The following RNPEP variants were observed in gnomAD, a reference collection of about 807,000 sequenced individuals.
RNPEP encodes the protein aminopeptidase B.
Under a neutral mutation model 70.1 loss-of-function variants are expected in RNPEP, and 57 were observed. That is an observed-to-expected ratio of 0.81 (90% CI 0.66 to 1.01). The LOEUF (loss-of-function observed/expected upper bound fraction) is 1.01, where lower values mean the gene tolerates loss of function less well. RNPEP is among the 50% of genes least tolerant of loss of function. The pLI is 0.00. For missense variants in RNPEP, 787 were observed against 852.4 expected (o/e 0.92, Z 0.96); for synonymous variants, 335 against 357.4 (o/e 0.94, Z 0.71).
In RNPEP at chr1:202,001,762, T is replaced by C; in HGVS notation, c.1421T>C (p.Ile474Thr). Residue 474 changes from isoleucine to threonine, a missense_variant, in exon 8 of 11, where the codon ATT (isoleucine) becomes ACT (threonine). Ile to Thr is a moderately conservative substitution (Grantham distance 89, BLOSUM62 -1). Transcript: ENST00000295640. ...CTTAAGAAAAAGAGAGTGGATATCATTCCAGGTAAGCAGAGGAACTGGCCC... is the reference window on the plus strand; with the variant it reads ...CTTAAGAAAAAGAGAGTGGATATCACTCCAGGTAAGCAGAGGAACTGGCCC... ...PELKKKRVDI[I>T]PGFEFDRWLN... 6.3e-7 allele frequency: 1 copy of C among 1,577,024 alleles called. No homozygotes were observed. The highest frequency in any genetic ancestry group is 1.7e-5 in the Admixed American group (1 of 59,972).
chr1:202,005,676 T>C lies in RNPEP; in HGVS notation c.1913T>C (p.Val638Ala). 6.2e-7 allele frequency: 1 copy of C among 1,614,218 alleles called. No individual in the cohort carries two copies. Among genetic ancestry groups the C allele is most frequent in the Non-Finnish European group, 8.5e-7 (1 of 1,180,040 alleles). ...STASQLHSNV[V>A]NYVQQIVAPK... ...GCCTCCCAGCTCCACAGCAATGTTG[T>C]CAACTATGTCCAGCAGATCGTGGCA... is the stretch of plus-strand genomic sequence containing the variant. Residue 638 changes from valine to alanine, a missense_variant, in exon 11 of 11, where the codon GTC becomes GCC. Physicochemically the swap from Val to Ala is moderately conservative, Grantham distance 64 (BLOSUM62 0). Coordinates refer to ENST00000295640, the MANE Select transcript of RNPEP (RefSeq NM_020216.4).
intron 10 of RNPEP, among the ~76,000 whole-genome samples, chr1:202,005,323 C>A (rs529788430): frequency 6.6e-6 from 1 of 152,326 alleles, no homozygotes; most frequent in East Asian, 1.9e-4. Context: ...CTGTAGACGT[C>A]CCCATGTTAG....
chr1:201,993,957 C>A (rs559470291), intron 3 of RNPEP, among the ~76,000 whole-genome samples: 44 of 151,760 alleles, frequency 2.9e-4, no homozygotes, highest in African/African-American at 1.0e-3. Context: ...TCCAGCCCCC[C>A]ACCCTTGCCA....
intron 1 of RNPEP, among the ~76,000 whole-genome samples, chr1:201,984,493 G>T (rs1259873616): frequency 2.0e-5 from 3 of 152,196 alleles, no homozygotes; most frequent in Admixed American, 6.6e-5. Context: ...AGGCAGGTGT[G>T]CCCTAAGCGG....
At chr1:202,002,995 T>G (rs1302800384) in intron 8 of RNPEP, 4 of 475,080 alleles carry the variant, frequency 8.4e-6, no homozygotes, top group Non-Finnish European at 1.5e-5. Flanking sequence ...AACTTGGCTC[T>G]GACAACACAG....
At chr1:201,999,295 G>A (rs912128361) in intron 5 of RNPEP, among the ~76,000 whole-genome samples, 5 of 152,016 alleles carry the variant, frequency 3.3e-5, no homozygotes, top group Non-Finnish European at 7.4e-5. Context: ...TGTAATCCCA[G>A]CACTTTGGGA....
At chr1:201,996,397 G>C in intron 4 of RNPEP, 134 bp downstream of exon 4, 1 of 719,654 alleles carries the variant, frequency 1.4e-6, no homozygotes, top group East Asian at 2.5e-5. Context: ...AAGGAGAGGA[G>C]GAAGAGAGGA....
intron 1 of RNPEP, among the ~76,000 whole-genome samples, chr1:201,986,403 C>G (rs1386092738): frequency 2.7e-5 from 4 of 150,750 alleles, no homozygotes; most frequent in Admixed American, 2.6e-4. Flanking sequence ...CCAACCTTGA[C>G]AGTTTTGAGG....
intron 1 of RNPEP, 133 bp downstream of exon 1, chr1:201,983,246 C>T: frequency 7.0e-7 from 1 of 1,430,296 alleles, no homozygotes; most frequent in South Asian, 1.5e-5. Context: ...GAGGGGCCTA[C>T]TCCCCGCGCG....
intron 10 of RNPEP, 54 bp downstream of exon 10, chr1:202,004,550 A>G: frequency 6.3e-7 from 1 of 1,598,790 alleles, no homozygotes; most frequent in Middle Eastern, 1.9e-4. Context: ...CCACTCGGCC[A>G]TATGTGAAGT....
At chr1:202,004,932 T>C (rs907047237) in intron 10 of RNPEP, among the ~76,000 whole-genome samples, 2 of 152,144 alleles carry the variant, frequency 1.3e-5, no homozygotes, top group Admixed American at 1.3e-4. Context: ...AGTTGCCCTG[T>C]TGGGGAAAGG....
chr1:202,005,186 C>T (rs181764451), intron 10 of RNPEP, among the ~76,000 whole-genome samples: 35 of 152,284 alleles, frequency 2.3e-4, no homozygotes, highest in Admixed American at 8.5e-4. Flanking sequence ...GCAGCTGGAC[C>T]GTATGCGGCT....
intron 3 of RNPEP, among the ~76,000 whole-genome samples, chr1:201,994,322 CTTG>C (rs745636869): frequency 6.6e-6 from 1 of 152,154 alleles, no homozygotes; most frequent in Non-Finnish European, 1.5e-5. Flanking sequence ...GATAATGTCA[CTTG>C]TTGGCTTAAA....
intron 5 of RNPEP, among the ~76,000 whole-genome samples, chr1:201,998,230 C>CTTTTT (rs34549362): frequency 5.1e-5 from 6 of 116,662 alleles, no homozygotes; most frequent in African/African-American, 1.4e-4. Flanking sequence ...TGGGTCTGAA[C>CTTTTT]TTTTTTTTTT....
At chr1:201,985,857 A>G (rs1369357935) in intron 1 of RNPEP, among the ~76,000 whole-genome samples, 1 of 152,176 alleles carries the variant, frequency 6.6e-6, no homozygotes, top group Non-Finnish European at 1.5e-5. Flanking sequence ...CATTATATTT[A>G]GCTGTCATGT....
In RNPEP at chr1:201,992,989, TTACTC is replaced by T. The variant is rs749175166; in HGVS notation, c.738-3156_738-3152del. Among the ~76,000 whole-genome samples the T allele has an allele frequency of 5.4e-4, 83 of 152,350 alleles. 1 individual carries two copies. The highest frequency in any genetic ancestry group is 2.6e-4 in the Non-Finnish European group (18 of 68,040). ...ACTCCCTTTAAGCTGTTCTAAGACT[TTACTC>T]TTCTCTTTAAGTTTGCTATCCAATC... On this transcript the variant is annotated intron_variant, in intron 3 of 10. Coordinates refer to ENST00000295640, the MANE Select transcript of RNPEP (RefSeq NM_020216.4).
At chr1:201,996,481 G>A in intron 4 of RNPEP, 1 of 323,538 alleles carries the variant, frequency 3.1e-6, no homozygotes, top group Admixed American at 4.6e-5. Flanking sequence ...GTGTGTGTGT[G>A]TGTGTGTGTG....
chr1:202,000,602 G>A (rs1286152455), intron 6 of RNPEP, among the ~76,000 whole-genome samples: 2 of 152,102 alleles, frequency 1.3e-5, no homozygotes, highest in Non-Finnish European at 2.9e-5. Context: ...TTTTAGCCTG[G>A]AACAGCTGTA....
rs200795347 is a variant in RNPEP, at chr1:201,984,821, CT to C, written c.447+1744del. 2.8e-4 allele frequency among the ~76,000 whole-genome samples: 34 copies of C among 122,042 alleles called. 1 individual carries two copies. The highest frequency in any genetic ancestry group is 3.7e-4 in the Non-Finnish European group (22 of 58,988). 80.1% of individuals were successfully genotyped at this position (122,042 alleles called of 152,430 possible). ...TTACTGCTAACTTTTGTATTTCTTTCTTTTTTTTTTTTTTTTTTTTTTTTTT... is the reference window on the plus strand; with the variant it reads ...TTACTGCTAACTTTTGTATTTCTTTCTTTTTTTTTTTTTTTTTTTTTTTTT... On this transcript the variant is annotated intron_variant, in intron 1 of 10. Coordinates refer to ENST00000295640, the MANE Select transcript of RNPEP (RefSeq NM_020216.4).
Sources: allele counts gnomAD v4.1 joint callset (sites outside exome capture counted in the v4.1 genomes callset), GRCh38; gene constraint gnomAD v4.1.1; transcripts MANE v1.5; gene names NCBI Gene and HGNC (gene_info 2026-07-23, HGNC 2026-07-21).